Variants in UBA6 observed in about 807,000 individuals in gnomAD.
The protein encoded by UBA6 is ubiquitin-like modifier-activating enzyme 6.
In UBA6, 87 loss-of-function variants were observed where a neutral mutation model predicts 148.3. The ratio of observed to expected loss-of-function variants is 0.59; its 90% CI spans 0.49 to 0.70. UBA6 has a LOEUF of 0.70. Among genes scored for constraint, UBA6 ranks in the 30% least tolerant of loss-of-function variants. The pLI, the probability that UBA6 is intolerant of heterozygous loss-of-function variation, is 0.00. For synonymous variants in UBA6, 376 were observed against 401.0 expected, an observed-to-expected ratio of 0.94 and a Z score of 0.75; for missense variants, 1,186 against 1,241.2, an observed-to-expected ratio of 0.96 and a Z score of 0.67.
intron 2 of UBA6, among the ~76,000 whole-genome samples, chr4:67,691,552 G>C (rs955775361): frequency 2.0e-5 from 3 of 152,192 alleles, no homozygotes; most frequent in African/African-American, 7.2e-5. Flanking sequence ...AGGAAAAAGT[G>C]ATGTCTTGAG....
rs575723429 is a variant in UBA6, at chr4:67,658,756, A to G, written c.1104+3433T>C. On this transcript the variant is annotated intron_variant, in intron 13 of 32. Transcript: ENST00000322244. ...AAGTTAATTATATTTAGTGATAGAA[A>G]CCAGACTCAAAAGACTACACATACT... is the stretch of plus-strand genomic sequence containing the variant. Among the ~76,000 whole-genome samples the G allele has an allele frequency of 7.9e-5, 12 of 152,312 alleles. No individual in the cohort carries two copies. The East Asian group carries it at 1.5e-3, about 20-fold the overall frequency.
At chr4:67,689,990 T>A (rs1332394348) in intron 2 of UBA6, among the ~76,000 whole-genome samples, 1 of 152,078 alleles carries the variant, frequency 6.6e-6, no homozygotes, top group East Asian at 1.9e-4. Flanking sequence ...AAAAATAAGA[T>A]GCTTTAGGGC....
Position 67,618,344 on chromosome 4 carries a change from T to G in UBA6, c.*653A>C, listed in dbSNP as rs1728675678. Reference sequence around the variant, plus strand: ...TGTTCACGTTTAGTCTAAGTTAATATGTCTCATCTGACCTATTGCTCCTAC... The same window carrying G: ...TGTTCACGTTTAGTCTAAGTTAATAGGTCTCATCTGACCTATTGCTCCTAC... On this transcript the variant is annotated 3_prime_UTR_variant, in exon 33 of 33. Transcript: ENST00000322244. 6.5e-6 allele frequency: 1 copy of G among 152,672 alleles called. No homozygotes were observed. The highest frequency in any genetic ancestry group is 1.5e-5 in the Non-Finnish European group (1 of 68,046). 9.5% of individuals were successfully genotyped at this position (152,672 alleles called of 1,614,324 possible). A position where few individuals can be genotyped will look rare whatever the true frequency, so the allele number is the denominator to read the frequency against.
chr4:67,619,619 C>T (rs1259518249), intron 32 of UBA6, among the ~76,000 whole-genome samples: 5 of 152,060 alleles, frequency 3.3e-5, no homozygotes, highest in Non-Finnish European at 5.9e-5. Flanking sequence ...GAGGTTGCAA[C>T]GATTTTAAAA....
intron 12 of UBA6, 43 bp from the exon 13 acceptor site, chr4:67,662,298 T>A (rs367723525): frequency 1.3e-6 from 2 of 1,560,100 alleles, no homozygotes; most frequent in Middle Eastern, 3.4e-4. Flanking sequence ...TTTTCTCAAC[T>A]GCCATAAACA....
Position 67,665,121 on chromosome 4 carries a change from T to C in UBA6, c.897+68A>G, listed in dbSNP as rs1334789105. 3.0e-5 allele frequency: 28 copies of C among 918,934 alleles called. 1 individual carries two copies. The Admixed American group carries it at 7.1e-4, about 23-fold the overall frequency. 56.9% of individuals were successfully genotyped at this position (918,934 alleles called of 1,614,324 possible). ...TTAATCTGTTTGGTTAACTGAGTAG[T>C]TATTTGTCTCTTCTGCCTTTCTTTT... On this transcript the variant is annotated intron_variant, in intron 10 of 32. Coordinates refer to ENST00000322244, the MANE Select transcript of UBA6 (RefSeq NM_018227.6).
chr4:67,682,378 T>G (rs1278669096), intron 2 of UBA6, among the ~76,000 whole-genome samples, 165 bp from the exon 3 acceptor site: 1 of 152,204 alleles, frequency 6.6e-6, no homozygotes, highest in Non-Finnish European at 1.5e-5. Flanking sequence ...GCCAAATATA[T>G]GACATATTTT....
At chr4:67,683,773 T>C (rs1730495630) in intron 2 of UBA6, among the ~76,000 whole-genome samples, 2 of 152,078 alleles carry the variant, frequency 1.3e-5, no homozygotes, top group Admixed American at 1.3e-4. Flanking sequence ...CAAACTGTTT[T>C]CCAAAATGGA....
chr4:67,645,188 T>A (rs912777706), intron 16 of UBA6, among the ~76,000 whole-genome samples: 1 of 152,142 alleles, frequency 6.6e-6, no homozygotes, highest in Non-Finnish European at 1.5e-5. Flanking sequence ...TAAAGATGAT[T>A]AATAAGAATA....
At chr4:67,653,084 C>T (rs1245738965) in intron 13 of UBA6, among the ~76,000 whole-genome samples, 2 of 152,238 alleles carry the variant, frequency 1.3e-5, no homozygotes, top group Admixed American at 6.5e-5. Context: ...ATAGACTCAA[C>T]CTCTGTGGGC....
intron 13 of UBA6, among the ~76,000 whole-genome samples, chr4:67,660,628 A>C (rs1459905067): frequency 3.9e-5 from 6 of 152,204 alleles, no homozygotes; most frequent in Admixed American, 1.3e-4. Flanking sequence ...TGGGGCCCTC[A>C]TGGAGAACTT....
intron 29 of UBA6, among the ~76,000 whole-genome samples, chr4:67,624,634 G>A (rs1171450576): frequency 6.6e-6 from 1 of 151,882 alleles, no homozygotes; most frequent in Non-Finnish European, 1.5e-5. Context: ...ATAATAACTA[G>A]GGCCGCACTT....
At chr4:67,697,188 A>G (rs1730862006) in intron 1 of UBA6, among the ~76,000 whole-genome samples, 1 of 152,186 alleles carries the variant, frequency 6.6e-6, no homozygotes, top group South Asian at 2.1e-4. Context: ...TAATTTTAGT[A>G]GAGATGGGGT....
chr4:67,633,078 C>T (rs1729038136), intron 23 of UBA6, among the ~76,000 whole-genome samples: 1 of 152,088 alleles, frequency 6.6e-6, no homozygotes. Context: ...GGGAAACAGA[C>T]ATAAAATGTG....
At chr4:67,646,833 CAAATTA>C in intron 14 of UBA6, 42 bp from the exon 15 acceptor site, 1 of 1,306,708 alleles carries the variant, frequency 7.7e-7, no homozygotes, top group Non-Finnish European at 1.0e-6. Flanking sequence ...ATGTATAAAA[CAAATTA>C]CTATAAAAAG....
At chr4:67,700,985 A>G in intron 1 of UBA6, 64 bp downstream of exon 1, 1 of 1,594,888 alleles carries the variant, frequency 6.3e-7, no homozygotes, top group Non-Finnish European at 8.6e-7. Flanking sequence ...GAAAGAAAGA[A>G]GCAGAAACCC....
intron 23 of UBA6, among the ~76,000 whole-genome samples, 176 bp from the exon 24 acceptor site, chr4:67,632,084 C>T (rs554146206): frequency 3.9e-5 from 6 of 152,326 alleles, no homozygotes; most frequent in Non-Finnish European, 8.8e-5. Context: ...TCTGTCCATT[C>T]TCCTGTCAAT....
intron 30 of UBA6, among the ~76,000 whole-genome samples, chr4:67,623,456 A>G (rs1728798266): frequency 6.6e-6 from 1 of 152,198 alleles, no homozygotes; most frequent in Non-Finnish European, 1.5e-5. Flanking sequence ...CCAGTGTATT[A>G]TAAATCAGTA....
At chr4:67,673,986 C>G (rs929633290) in intron 6 of UBA6, among the ~76,000 whole-genome samples, 1 of 152,098 alleles carries the variant, frequency 6.6e-6, no homozygotes, top group African/African-American at 2.4e-5. Context: ...AGGGGAAAAC[C>G]TGCACACATA....
Sources: gnomAD v4.1 joint callset for allele counts (sites outside exome capture counted in the v4.1 genomes callset) on GRCh38, gnomAD v4.1.1 for gene constraint, MANE v1.5 for transcripts, NCBI Gene and HGNC (gene_info 2026-07-23, HGNC 2026-07-21) for gene names.